Variants in TNR observed in about 807,000 individuals in gnomAD.
The protein encoded by TNR is tenascin R.
A neutral mutation model predicts 150.4 loss-of-function variants in TNR; 45 were observed. The observed-to-expected ratio is 0.30, with a 90% CI of 0.24 to 0.38. TNR has a LOEUF of 0.38. TNR is among the 10% of genes least tolerant of loss of function. The pLI is 1.00. For missense variants in TNR, 1,544 were observed against 1,759.1 expected, an observed-to-expected ratio of 0.88 and a Z score of 2.19; for synonymous variants, 687 against 678.4, an observed-to-expected ratio of 1.01 and a Z score of -0.20.
intron 1 of TNR, among the ~76,000 whole-genome samples, chr1:175,546,043 T>C (rs920487440): frequency 6.6e-6 from 1 of 152,218 alleles, no homozygotes; most frequent in African/African-American, 2.4e-5. Flanking sequence ...CAAGTTGGTT[T>C]GTTCACAGCC....
chr1:175,487,468 C>T (rs1200995669), intron 2 of TNR, among the ~76,000 whole-genome samples: 2 of 152,210 alleles, frequency 1.3e-5, no homozygotes, highest in African/African-American at 4.8e-5. Flanking sequence ...ACACTGCTTG[C>T]CTTCTTCCTT....
chr1:175,700,287 C>T (rs1007656918), intron 1 of TNR, among the ~76,000 whole-genome samples: 1 of 152,128 alleles, frequency 6.6e-6, no homozygotes, highest in African/African-American at 2.4e-5. Context: ...GTTTCACAGT[C>T]CAGAAGCTTG....
At chr1:175,462,464 T>C (rs1429775663) in intron 2 of TNR, among the ~76,000 whole-genome samples, 3 of 152,210 alleles carry the variant, frequency 2.0e-5, no homozygotes, top group Admixed American at 2.0e-4. Flanking sequence ...GCCTGTGAGA[T>C]AAAGATGTGC....
At chr1:175,602,497 T>C (rs1307193018) in intron 1 of TNR, among the ~76,000 whole-genome samples, 1 of 152,202 alleles carries the variant, frequency 6.6e-6, no homozygotes, top group Non-Finnish European at 1.5e-5. Flanking sequence ...AGGTCAAGCC[T>C]AAAACAAACA....
At chr1:175,740,941 G>A (rs1017036746) in intron 1 of TNR, among the ~76,000 whole-genome samples, 9 of 152,198 alleles carry the variant, frequency 5.9e-5, no homozygotes, top group Non-Finnish European at 1.2e-4. Flanking sequence ...ACAATCAGGT[G>A]CACGACATCA....
chr1:175,447,260 A>G (rs1486088550), intron 2 of TNR, among the ~76,000 whole-genome samples: 1 of 152,094 alleles, frequency 6.6e-6, no homozygotes, highest in African/African-American at 2.4e-5. Context: ...GTCCCTTCCT[A>G]GTCCCCCACA....
intron 1 of TNR, among the ~76,000 whole-genome samples, chr1:175,548,909 G>A (rs1443693795): frequency 6.6e-6 from 1 of 152,164 alleles, no homozygotes; most frequent in African/African-American, 2.4e-5. Flanking sequence ...CTGGAAATTA[G>A]TGATTCATCA....
intron 1 of TNR, among the ~76,000 whole-genome samples, chr1:175,674,686 G>A (rs1018709378): frequency 3.3e-5 from 5 of 152,252 alleles, no homozygotes; most frequent in African/African-American, 9.6e-5. Flanking sequence ...ACTCCTCCAG[G>A]CTCAAACAGC....
rs1462127510 is a variant in TNR at position 175,321,922 on chromosome 1, A to G, written c.*1435T>C. 6.6e-6 allele frequency: 1 copy of G among 152,214 alleles called. No homozygotes were observed. The highest frequency in any genetic ancestry group is 2.4e-5 in the African/African-American group (1 of 41,448). 9.4% of individuals were successfully genotyped at this position (152,214 alleles called of 1,614,324 possible). On this transcript the variant is annotated 3_prime_UTR_variant, in exon 23 of 23. Transcript: ENST00000367674. The stretch of plus-strand genomic sequence containing the variant: ...CTTTCCAGGATTATCAGTCAGGGGT[A>G]TAGCTCTCTGGGCATATACCTTCTT...
chr1:175,611,110 T>C (rs1663581462), intron 1 of TNR, among the ~76,000 whole-genome samples: 2 of 152,138 alleles, frequency 1.3e-5, no homozygotes, highest in African/African-American at 4.8e-5. Context: ...TCTTCACTGA[T>C]ATATATTCTT....
intron 2 of TNR, among the ~76,000 whole-genome samples, chr1:175,424,920 C>T (rs887277953): frequency 6.6e-6 from 1 of 151,954 alleles, no homozygotes; most frequent in African/African-American, 2.4e-5. Context: ...AAGCTGAAGA[C>T]CCTGGAGGGT....
chr1:175,455,989 G>C (rs1656556231), intron 2 of TNR, among the ~76,000 whole-genome samples: 1 of 152,158 alleles, frequency 6.6e-6, no homozygotes, highest in Non-Finnish European at 1.5e-5. Context: ...ACCTAATTCA[G>C]GATTGTCCTG....
chr1:175,323,117 G>A lies in TNR; in HGVS notation c.*240C>T, dbSNP rs1304143484. ...ACTTCCTACTTCTCCTCCTTGGTGG[G>A]AAAGGAGGTGAAGGTTGAGGAGGCC... On this transcript the variant is annotated 3_prime_UTR_variant, in exon 23 of 23. Transcript: ENST00000367674. 4.9e-6 allele frequency: 2 copies of A among 411,400 alleles called. No individual in the cohort carries two copies. The highest frequency in any genetic ancestry group is 8.6e-6 in the Non-Finnish European group (2 of 233,490). The allele number at this position is 411,400 out of a possible 1,614,324, so 25.5% of individuals were successfully genotyped here. A position where few individuals can be genotyped will look rare whatever the true frequency, so the allele number is the denominator to read the frequency against.
At chr1:175,542,422 CCTT>C (rs1660540249) in intron 1 of TNR, among the ~76,000 whole-genome samples, 1 of 152,190 alleles carries the variant, frequency 6.6e-6, no homozygotes, top group South Asian at 2.1e-4. Context: ...TATGAGGAAA[CCTT>C]CTAATCTGAG....
chr1:175,687,753 G>A (rs955847802), intron 1 of TNR, among the ~76,000 whole-genome samples: 58 of 151,850 alleles, frequency 3.8e-4, no homozygotes, highest in African/African-American at 1.4e-3. Flanking sequence ...ACAATGTGAG[G>A]CAGATGCCCT....
At chr1:175,709,760 C>G (rs1666948457) in intron 1 of TNR, among the ~76,000 whole-genome samples, 2 of 152,060 alleles carry the variant, frequency 1.3e-5, no homozygotes, top group African/African-American at 4.8e-5. Context: ...TTCTTGGCCT[C>G]TTCGCAGCAT....
At chr1:175,418,836 T>C (rs554017475) in intron 2 of TNR, among the ~76,000 whole-genome samples, 1 of 152,092 alleles carries the variant, frequency 6.6e-6, no homozygotes, top group African/African-American at 2.4e-5. Flanking sequence ...AGGGATGAAG[T>C]GTACTAAGAA....
chr1:175,520,692 TTCTC>T (rs933368720), intron 2 of TNR, among the ~76,000 whole-genome samples: 2 of 151,620 alleles, frequency 1.3e-5, no homozygotes, highest in African/African-American at 2.4e-5. Context: ...CTCTCTCTCT[TTCTC>T]TCTCTCCCTC....
intron 1 of TNR, among the ~76,000 whole-genome samples, chr1:175,733,229 T>C (rs1272160986): frequency 1.3e-5 from 2 of 152,242 alleles, no homozygotes; most frequent in African/African-American, 2.4e-5. Context: ...ACCGGGTCCC[T>C]TCCCAGATTT....
Sources: gnomAD v4.1 joint callset for allele counts (sites outside exome capture counted in the v4.1 genomes callset) on GRCh38, gnomAD v4.1.1 for gene constraint, MANE v1.5 for transcripts, NCBI Gene and HGNC (gene_info 2026-07-23, HGNC 2026-07-21) for gene names.